The following ZFY variants were observed in gnomAD, a reference collection of about 807,000 sequenced individuals.
The protein encoded by ZFY is zinc finger Y-chromosomal protein.
For missense variants in ZFY, 113 were observed against 170.9 expected, an observed-to-expected ratio of 0.66 and a Z score of 1.89; for synonymous variants, 47 against 55.8, an observed-to-expected ratio of 0.84 and a Z score of 0.71.
chrY:2,956,211 G>A (rs2051292818), intron 2 of ZFY, among the ~76,000 whole-genome samples: 10 of 32,209 alleles, frequency 3.1e-4, no homozygotes, highest in African/African-American at 8.6e-4. Context: ...CTAAATCAGC[G>A]TTCCCCACCT....
At chrY:2,971,856 G>A (rs746949385) in intron 3 of ZFY, among the ~76,000 whole-genome samples, 1 of 31,804 alleles carries the variant, frequency 3.1e-5, no homozygotes, top group South Asian at 7.2e-4. Context: ...ATCACTTGAG[G>A]TCGGGAAGTT....
At chrY:2,969,965 GAAT>G (rs2051343018) in intron 3 of ZFY, among the ~76,000 whole-genome samples, 1 of 33,151 alleles carries the variant, frequency 3.0e-5, no homozygotes, top group Non-Finnish European at 7.5e-5. Flanking sequence ...AGAAATATCT[GAAT>G]AATATTATTG....
chrY:2,962,852 G>A (rs2051315627), intron 3 of ZFY, among the ~76,000 whole-genome samples: 1 of 33,044 alleles, frequency 3.0e-5, no homozygotes, highest in African/African-American at 1.2e-4. Context: ...AAAAAAAGGG[G>A]GAGTAAGGTG....
chrY:2,942,197 C>T, intron 1 of ZFY, among the ~76,000 whole-genome samples: 1 of 31,437 alleles, frequency 3.2e-5, no homozygotes, highest in Non-Finnish European at 7.7e-5. Flanking sequence ...CTCAAGCGAT[C>T]CTCCCACCTT....
chrY:2,957,557 A>G (rs2051296509), intron 2 of ZFY, among the ~76,000 whole-genome samples: 1 of 33,461 alleles, frequency 3.0e-5, no homozygotes, highest in Non-Finnish European at 7.4e-5. Context: ...TTCATTCTGT[A>G]AAAATAATTT....
intron 1 of ZFY, among the ~76,000 whole-genome samples, chrY:2,936,779 G>A: frequency 8.9e-5 from 3 of 33,876 alleles, no homozygotes; most frequent in Non-Finnish European, 1.5e-4. Flanking sequence ...TGGAAAATTG[G>A]AGCACAGTAA....
intron 6 of ZFY, 28 bp downstream of exon 6, chrY:2,976,850 G>T: frequency 2.6e-6 from 1 of 385,656 alleles, no homozygotes; most frequent in Non-Finnish European, 3.6e-6. Context: ...CAGAAGGATT[G>T]AGTAGTTTTT....
chrY:2,971,943 C>T, intron 3 of ZFY, among the ~76,000 whole-genome samples: 1 of 29,730 alleles, frequency 3.4e-5, no homozygotes, highest in Non-Finnish European at 7.9e-5. Context: ...GATGGCAATG[C>T]CTGTAATCGC....
At position 2,978,478 on chromosome Y, in the gene ZFY, A is replaced by G. The variant is rs1020315532; in HGVS notation, c.1223-332A>G. Among the ~76,000 whole-genome samples the G allele has an allele frequency of 3.6e-4, 12 of 33,074 alleles. No homozygotes were observed. In the South Asian group the frequency reaches 7.4e-3, roughly 20 times the overall value. The allele number at this position is 33,074 out of a possible 37,273, so 88.7% of individuals were successfully genotyped here. On this transcript the variant is annotated intron_variant, in intron 7 of 7. Coordinates refer to ENST00000155093, the MANE Select transcript of ZFY (RefSeq NM_003411.4). ...GGTGCAGTTAAGCTTTACTGTTTGCATATATTTGGCTTGGAGTCAGTCACC... is the reference window on the plus strand; with the variant it reads ...GGTGCAGTTAAGCTTTACTGTTTGCGTATATTTGGCTTGGAGTCAGTCACC...
intron 1 of ZFY, among the ~76,000 whole-genome samples, chrY:2,951,650 G>A: frequency 3.0e-5 from 1 of 33,108 alleles, no homozygotes; most frequent in Non-Finnish European, 7.4e-5. Flanking sequence ...CCTTCTCAGC[G>A]TGTGGATTTT....
In ZFY at chrY:2,961,659, G is replaced by T; in HGVS notation, c.634+13G>T. ...CTAATGATTTCGTGTAAGTCATGGG[G>T]TACAGTGATTTTAAGCAATGTTTTT... On this transcript the variant is annotated intron_variant, in intron 3 of 7. Transcript: ENST00000155093. 2.6e-6 allele frequency: 1 copy of T among 388,120 alleles called. No homozygotes were observed. The highest frequency in any genetic ancestry group is 3.6e-6 in the Non-Finnish European group (1 of 274,858).
chrY:2,969,826 ACCAG>A (rs2051342258), intron 3 of ZFY, among the ~76,000 whole-genome samples: 1 of 33,118 alleles, frequency 3.0e-5, no homozygotes, highest in Non-Finnish European at 7.4e-5. Context: ...AGTTAGAATG[ACCAG>A]CCATGGAATT....
At chrY:2,963,613 A>G in intron 3 of ZFY, among the ~76,000 whole-genome samples, 6 of 33,117 alleles carry the variant, frequency 1.8e-4, no homozygotes, top group African/African-American at 7.1e-4. Context: ...TTAGCAATCT[A>G]CCTGGTGTTT....
intron 1 of ZFY, among the ~76,000 whole-genome samples, chrY:2,946,571 G>C: frequency 6.3e-5 from 2 of 31,976 alleles, no homozygotes; most frequent in Non-Finnish European, 1.5e-4. Context: ...ACTTCTACTT[G>C]AAGATAGGGT....
chrY:2,972,749 T>G, intron 3 of ZFY, among the ~76,000 whole-genome samples: 1 of 33,776 alleles, frequency 3.0e-5, no homozygotes, highest in African/African-American at 1.2e-4. Context: ...AATTTAAACT[T>G]AACAGCATTC....
chrY:2,976,514 CTA>C (rs2051371342), intron 5 of ZFY, among the ~76,000 whole-genome samples, 154 bp from the exon 6 acceptor site: 3 of 33,228 alleles, frequency 9.0e-5, no homozygotes, highest in Admixed American at 5.4e-4. Context: ...ATATCAGTGA[CTA>C]TGTATGTTTT....
At chrY:2,943,976 C>G (rs771252548) in intron 1 of ZFY, among the ~76,000 whole-genome samples, 1 of 33,131 alleles carries the variant, frequency 3.0e-5, no homozygotes, top group South Asian at 6.6e-4. Context: ...TTATCAATAC[C>G]CTGAGCCAAT....
At chrY:2,944,084 A>G (rs2051254358) in intron 1 of ZFY, among the ~76,000 whole-genome samples, 1 of 33,572 alleles carries the variant, frequency 3.0e-5, no homozygotes, top group South Asian at 6.4e-4. Flanking sequence ...CAGTATATCA[A>G]TTTACTTGAA....
chrY:2,940,753 A>G (rs2051238945), intron 1 of ZFY, among the ~76,000 whole-genome samples: 1 of 33,663 alleles, frequency 3.0e-5, no homozygotes, highest in Non-Finnish European at 7.4e-5. Context: ...CTGATATTTT[A>G]GTTAGCAAAA....
Sources: gnomAD v4.1 joint callset for allele counts (sites outside exome capture counted in the v4.1 genomes callset) on GRCh38, gnomAD v4.1.1 for gene constraint, MANE v1.5 for transcripts, NCBI Gene and HGNC (gene_info 2026-07-23, HGNC 2026-07-21) for gene names.